TMEM266: variants seen among roughly 807,000 people sequenced by gnomAD.
The protein encoded by TMEM266 is transmembrane protein 266.
TMEM266 carries 33 observed loss-of-function variants against 50.5 expected under a neutral mutation model. The ratio of observed to expected loss-of-function variants is 0.65; its 90% CI spans 0.50 to 0.87. TMEM266 has a LOEUF of 0.87. TMEM266 is among the 40% of genes least tolerant of loss of function. The pLI is 0.00. For synonymous variants in TMEM266, 310 were observed against 292.3 expected, an observed-to-expected ratio of 1.06 and a Z score of -0.62; for missense variants, 655 against 695.1, an observed-to-expected ratio of 0.94 and a Z score of 0.65.
At chr15:76,135,943 T>G (rs890330622) in intron 2 of TMEM266, among the ~76,000 whole-genome samples, 56 of 94,542 alleles carry the variant, frequency 5.9e-4, no homozygotes, top group Non-Finnish European at 1.1e-3. Context: ...CAGCTGTGGG[T>G]TTTTTTTTTT....
At chr15:76,112,583 C>T (rs1006827415) in intron 1 of TMEM266, 1 of 152,160 alleles carries the variant, frequency 6.6e-6, no homozygotes. Flanking sequence ...GCAGATGGCA[C>T]CTCCACCCAG....
At chr15:76,197,037 C>T (rs548136672) in intron 9 of TMEM266, among the ~76,000 whole-genome samples, 19 of 152,356 alleles carry the variant, frequency 1.2e-4, no homozygotes, top group African/African-American at 2.6e-4. Flanking sequence ...GCGTCCCCCA[C>T]GCTGCTGCAG....
chr15:76,158,490 G>C (rs766138100), intron 4 of TMEM266, among the ~76,000 whole-genome samples: 1 of 152,054 alleles, frequency 6.6e-6, no homozygotes, highest in Non-Finnish European at 1.5e-5. Flanking sequence ...TCGGCTGCTC[G>C]GGCTGTGACA....
At chr15:76,103,987 C>G (rs1339882472) in intron 1 of TMEM266, among the ~76,000 whole-genome samples, 2 of 140,886 alleles carry the variant, frequency 1.4e-5, no homozygotes, top group Admixed American at 6.9e-5. Context: ...GCGGGCAGAT[C>G]ACGAGGTCAG....
At chr15:76,111,363 A>G (rs925599328) in intron 1 of TMEM266, among the ~76,000 whole-genome samples, 2 of 151,996 alleles carry the variant, frequency 1.3e-5, no homozygotes, top group African/African-American at 4.8e-5. Flanking sequence ...GGCATGAGCC[A>G]CTGTACCCGG....
At chr15:76,162,245 C>G (rs1468146655) in intron 5 of TMEM266, among the ~76,000 whole-genome samples, 1 of 152,176 alleles carries the variant, frequency 6.6e-6, no homozygotes, top group Admixed American at 6.5e-5. Flanking sequence ...GCAGGGGCCA[C>G]CCCTGCCAGT....
intron 1 of TMEM266, among the ~76,000 whole-genome samples, chr15:76,092,744 A>T (rs560550220): frequency 6.6e-6 from 1 of 151,522 alleles, no homozygotes. Context: ...ACTATGTTCT[A>T]GTCAGTATTC....
intron 1 of TMEM266, among the ~76,000 whole-genome samples, chr15:76,068,448 A>G (rs2036475155): frequency 6.6e-6 from 1 of 152,222 alleles, no homozygotes; most frequent in Non-Finnish European, 1.5e-5. Flanking sequence ...CAAAGATCAT[A>G]TCCAATACAG....
At position 76,204,565 on chromosome 15, in the gene TMEM266, C is replaced by T. The variant is rs1170283905; in HGVS notation, c.*250C>T. The T allele has an allele frequency of 2.7e-6, 1 of 366,868 alleles. No individual in the cohort carries two copies. Among genetic ancestry groups the T allele is most frequent in the Non-Finnish European group, 4.9e-6 (1 of 203,816 alleles). The allele number at this position is 366,868 out of a possible 1,614,324, so 22.7% of individuals were successfully genotyped here. On this transcript the variant is annotated 3_prime_UTR_variant, in exon 11 of 11. Coordinates refer to ENST00000388942, the MANE Select transcript of TMEM266 (RefSeq NM_152335.3). ...CTCGTGGCTGGGTTTTCTTTTTAAC[C>T]ATTTTTACAAAAACCAGCCTGTGGC...
intron 9 of TMEM266, among the ~76,000 whole-genome samples, chr15:76,194,764 TG>T: frequency 6.6e-6 from 1 of 152,298 alleles, no homozygotes; most frequent in East Asian, 1.9e-4. Context: ...TGCACATGTC[TG>T]GGTCTAGATT....
intron 1 of TMEM266, among the ~76,000 whole-genome samples, chr15:76,114,934 A>T (rs137912561): frequency 6.6e-6 from 1 of 152,294 alleles, no homozygotes; most frequent in East Asian, 1.9e-4. Flanking sequence ...TTCACTTGCC[A>T]TAATGTGTTC....
intron 1 of TMEM266, among the ~76,000 whole-genome samples, chr15:76,092,160 T>A (rs527865109): frequency 2.0e-5 from 3 of 152,086 alleles, no homozygotes; most frequent in African/African-American, 7.2e-5. Flanking sequence ...AATGAAATAG[T>A]ACTATATCCC....
Position 76,192,095 on chromosome 15 carries a change from C to T in TMEM266, c.896C>T (p.Ala299Val). The change falls in exon 9 of 11, where the codon GCC becomes GTC. Residue 299 changes from alanine to valine, a missense_variant. Physicochemically the swap from Ala to Val is moderately conservative, Grantham distance 64 (BLOSUM62 0). Coordinates refer to ENST00000388942, the MANE Select transcript of TMEM266 (RefSeq NM_152335.3). ...LEAGTWDEET[A>V]AESVVEELQP... Reference sequence around the variant, plus strand: ...CGCAGCCGCTTCAAAGTGTTGGAGGCCGGCACGTGGGACGAGGAGACGGCG... The same window carrying T: ...CGCAGCCGCTTCAAAGTGTTGGAGGTCGGCACGTGGGACGAGGAGACGGCG... 6.9e-7 allele frequency: 1 copy of T among 1,444,200 alleles called. No individual in the cohort carries two copies. The highest frequency in any genetic ancestry group is 2.8e-5 in the Admixed American group (1 of 35,458). The allele number at this position is 1,444,200 out of a possible 1,614,324, so 89.5% of individuals were successfully genotyped here.
At chr15:76,114,722 T>G (rs1477507740) in intron 1 of TMEM266, among the ~76,000 whole-genome samples, 3 of 152,328 alleles carry the variant, frequency 2.0e-5, no homozygotes, top group South Asian at 2.1e-4. Flanking sequence ...TACATGAAAT[T>G]TACTGTTATG....
chr15:76,196,772 A>AACAGTCCACAG (rs1567185022), intron 9 of TMEM266, among the ~76,000 whole-genome samples: 166 of 152,160 alleles, frequency 1.1e-3, no homozygotes, highest in African/African-American at 3.9e-3. Flanking sequence ...CAGCTCCACA[A>AACAGTCCACAG]TCTCAACAGT....
intron 1 of TMEM266, among the ~76,000 whole-genome samples, chr15:76,092,325 A>T (rs999535368): frequency 6.6e-6 from 1 of 152,090 alleles, no homozygotes; most frequent in Non-Finnish European, 1.5e-5. Context: ...ACAGAACACA[A>T]ATTATTTAAA....
chr15:76,067,881 G>T (rs971976800), intron 1 of TMEM266, among the ~76,000 whole-genome samples: 39 of 152,094 alleles, frequency 2.6e-4, no homozygotes, highest in African/African-American at 7.7e-4. Flanking sequence ...TGAAATATTT[G>T]ATTATGACTG....
At chr15:76,077,850 C>G (rs1236263354) in intron 1 of TMEM266, among the ~76,000 whole-genome samples, 2 of 152,034 alleles carry the variant, frequency 1.3e-5, no homozygotes, top group Admixed American at 1.3e-4. Context: ...TTGAAGCCAC[C>G]AAGTTTTTGG....
intron 1 of TMEM266, among the ~76,000 whole-genome samples, chr15:76,125,614 C>T (rs1002544750): frequency 6.6e-6 from 1 of 151,784 alleles, no homozygotes; most frequent in Non-Finnish European, 1.5e-5. Context: ...TTGGGAGGCC[C>T]AGGTGGGCAG....
Sources: gnomAD v4.1 joint callset for allele counts (sites outside exome capture counted in the v4.1 genomes callset) on GRCh38, gnomAD v4.1.1 for gene constraint, MANE v1.5 for transcripts, NCBI Gene and HGNC (gene_info 2026-07-23, HGNC 2026-07-21) for gene names.